The following PRKN variants were observed in gnomAD, a reference collection of about 807,000 sequenced individuals.
PRKN encodes the protein E3 ubiquitin-protein ligase parkin.
A neutral mutation model predicts 59.5 loss-of-function variants in PRKN; 56 were observed. That is an observed-to-expected ratio of 0.94 (90% CI 0.76 to 1.18). The LOEUF (loss-of-function observed/expected upper bound fraction) is 1.18, where lower values mean the gene tolerates loss of function less well. PRKN is among the 50% of genes most tolerant of loss of function. The probability of loss-of-function intolerance (pLI) is 0.00; values close to 1 mark genes in which losing one functional copy is unlikely to be tolerated. For synonymous variants in PRKN, 250 were observed against 222.1 expected, an observed-to-expected ratio of 1.13 and a Z score of -1.12; for missense variants, 657 against 596.4, an observed-to-expected ratio of 1.10 and a Z score of -1.06.
chr6:162,609,998 A>G (rs1782079460), intron 1 of PRKN, among the ~76,000 whole-genome samples: 1 of 152,212 alleles, frequency 6.6e-6, no homozygotes, highest in Admixed American at 6.5e-5. Flanking sequence ...CCATAGTGAT[A>G]CTTTGAAAAT....
chr6:162,458,442 A>T (rs1011306297), intron 1 of PRKN, among the ~76,000 whole-genome samples: 3 of 151,212 alleles, frequency 2.0e-5, no homozygotes, highest in East Asian at 3.9e-4. Context: ...AAAAAAAAAA[A>T]AATTTTTTTT....
At chr6:161,988,934 A>G (rs1781540653) in intron 5 of PRKN, among the ~76,000 whole-genome samples, 1 of 152,182 alleles carries the variant, frequency 6.6e-6, no homozygotes, top group African/African-American at 2.4e-5. Flanking sequence ...AAATATTTAC[A>G]ATGAGCTTTA....
chr6:161,559,508 C>G (rs1268438790), intron 8 of PRKN, among the ~76,000 whole-genome samples: 2 of 152,208 alleles, frequency 1.3e-5, no homozygotes, highest in Non-Finnish European at 2.9e-5. Context: ...AATCCAAGAG[C>G]CTTGCCCCTC....
chr6:161,806,786 G>T lies in PRKN; in HGVS notation c.735-20878C>A, dbSNP rs954841100. On this transcript the variant is annotated intron_variant, in intron 6 of 11. Transcript: ENST00000366898. ...TGGGGATCTGGGGGAATTTTGTTTA[G>T]AAATAGAAAACACAGACCCTTCTTC... 2.6e-5 allele frequency among the ~76,000 whole-genome samples: 4 copies of T among 152,160 alleles called. 1 individual carries two copies. The highest frequency in any genetic ancestry group is 7.2e-5 in the African/African-American group (3 of 41,430).
intron 7 of PRKN, among the ~76,000 whole-genome samples, chr6:161,571,063 C>CT (rs1260459005): frequency 6.6e-6 from 1 of 152,092 alleles, no homozygotes; most frequent in Non-Finnish European, 1.5e-5. Context: ...TCCTGAGTAG[C>CT]TGGGACTACA....
chr6:162,362,849 C>A (rs974078680), intron 2 of PRKN, among the ~76,000 whole-genome samples: 1 of 152,082 alleles, frequency 6.6e-6, no homozygotes, highest in African/African-American at 2.4e-5. Flanking sequence ...TTTCCCCTGG[C>A]CAGGCGCAGT....
chr6:161,535,494 G>C (rs1050556775), intron 9 of PRKN, among the ~76,000 whole-genome samples: 1 of 152,238 alleles, frequency 6.6e-6, no homozygotes, highest in Non-Finnish European at 1.5e-5. Context: ...AGATGAGGCA[G>C]AGGCTGACAT....
chr6:161,453,400 G>A (rs1376384270), intron 9 of PRKN, among the ~76,000 whole-genome samples: 1 of 152,078 alleles, frequency 6.6e-6, no homozygotes. Context: ...TATCACCTTG[G>A]CTTGTCTCTA....
intron 2 of PRKN, among the ~76,000 whole-genome samples, chr6:162,420,037 C>A (rs2128159003): frequency 6.6e-6 from 1 of 152,122 alleles, no homozygotes; most frequent in South Asian, 2.1e-4. Context: ...GATTCAAGCG[C>A]ATTACATTTA....
chr6:162,686,089 T>C (rs951158495), intron 1 of PRKN, among the ~76,000 whole-genome samples: 3 of 151,918 alleles, frequency 2.0e-5, no homozygotes, highest in East Asian at 3.9e-4. Context: ...TACAGCAACA[T>C]AAAAAAAAGT....
rs1395876846 is a variant in PRKN, at chr6:161,527,115, T to C, written c.1083+21739A>G. ...AGGTATCACCTCCAATCTTACCTCC[T>C]GTGATAAGATCTTCTCTGTTTCATG... On this transcript the variant is annotated intron_variant, in intron 9 of 11. Coordinates refer to ENST00000366898, the MANE Select transcript of PRKN (RefSeq NM_004562.3). This position sits in a 1 kb window ranked among gnomAD's most constrained non-coding sequence, Gnocchi z 4.6. Among the ~76,000 whole-genome samples the C allele has an allele frequency of 6.6e-6, 1 of 152,234 alleles. No homozygotes were observed. Among genetic ancestry groups the C allele is most frequent in the Non-Finnish European group, 1.5e-5 (1 of 68,046 alleles).
intron 7 of PRKN, among the ~76,000 whole-genome samples, chr6:161,703,858 T>C (rs1484068456): frequency 4.0e-5 from 5 of 124,634 alleles, no homozygotes; most frequent in African/African-American, 1.7e-4. Context: ...TTTTTTTTTT[T>C]TTTTTTTTTT....
intron 7 of PRKN, among the ~76,000 whole-genome samples, chr6:161,682,215 C>T (rs966349023): frequency 6.6e-6 from 1 of 152,146 alleles, no homozygotes; most frequent in African/African-American, 2.4e-5. Flanking sequence ...GGAGCAACCA[C>T]TTGGGAACAC....
chr6:162,055,842 G>A lies in PRKN; in HGVS notation c.535-1668C>T, dbSNP rs926327202. Among the ~76,000 whole-genome samples, 15 of 152,188 alleles carry A rather than the reference G, an allele frequency of 9.9e-5. No homozygotes were observed. The East Asian group carries it at 2.7e-3, about 28-fold the overall frequency. On this transcript the variant is annotated intron_variant, in intron 4 of 11. Transcript: ENST00000366898. ...CCTGGCACTTTGTAGCAGATGCTGA[G>A]GAAAATGCCGTGGGAGGTGGGCAGG...
intron 5 of PRKN, among the ~76,000 whole-genome samples, chr6:161,996,713 A>T (rs1213863476): frequency 6.6e-6 from 1 of 152,156 alleles, no homozygotes; most frequent in Non-Finnish European, 1.5e-5. Flanking sequence ...TAACAACACT[A>T]TTCAGCATTA....
intron 6 of PRKN, among the ~76,000 whole-genome samples, chr6:161,876,791 T>C (rs1373497754): frequency 6.6e-6 from 1 of 152,166 alleles, no homozygotes; most frequent in Non-Finnish European, 1.5e-5. Flanking sequence ...ATCTGTAGAA[T>C]ATTTTAAGTT....
intron 7 of PRKN, among the ~76,000 whole-genome samples, chr6:161,606,167 G>A (rs1184479411): frequency 3.3e-5 from 5 of 152,218 alleles, no homozygotes; most frequent in Admixed American, 2.0e-4. Flanking sequence ...TCCTGTTTTA[G>A]AGTCACAATG....
chr6:162,113,227 G>A (rs886514215), intron 4 of PRKN, among the ~76,000 whole-genome samples: 9 of 152,100 alleles, frequency 5.9e-5, no homozygotes, highest in African/African-American at 2.2e-4. Flanking sequence ...GAAAAGACCC[G>A]ATCTAAAAGA....
At chr6:162,356,332 C>T (rs1784853371) in intron 2 of PRKN, among the ~76,000 whole-genome samples, 1 of 151,778 alleles carries the variant, frequency 6.6e-6, no homozygotes, top group Non-Finnish European at 1.5e-5. Flanking sequence ...CATAGCCGTC[C>T]CCCCACCCCC....
Sources: allele counts gnomAD v4.1 joint callset (sites outside exome capture counted in the v4.1 genomes callset), GRCh38; gene constraint gnomAD v4.1.1; non-coding constraint Gnocchi (gnomAD v3.1); transcripts MANE v1.5; gene names NCBI Gene and HGNC (gene_info 2026-07-23, HGNC 2026-07-21).